The following TSPAN13 variants were observed in gnomAD, a reference collection of about 807,000 sequenced individuals.
The protein encoded by TSPAN13 is tetraspanin 13, also known as tetraspanin-13.
TSPAN13 carries 18 observed loss-of-function variants against 26.9 expected under a neutral mutation model. That is an observed-to-expected ratio of 0.67 (90% CI 0.46 to 0.99). The LOEUF (loss-of-function observed/expected upper bound fraction) is 0.99, where lower values mean the gene tolerates loss of function less well. Ranked by LOEUF, TSPAN13 falls within the 50% of genes least tolerant of loss-of-function variation. The pLI is 0.00. For missense variants in TSPAN13, 201 were observed against 249.6 expected (o/e 0.81, Z 1.31); for synonymous variants, 116 against 98.4 (o/e 1.18, Z -1.06).
intron 5 of TSPAN13, among the ~76,000 whole-genome samples, chr7:16,781,752 A>G (rs897818181): frequency 1.3e-5 from 2 of 152,190 alleles, no homozygotes; most frequent in Admixed American, 6.5e-5. Flanking sequence ...AAAAATTCTG[A>G]CCAGAAGCTC....
At chr7:16,761,690 AT>A (rs35451307) in intron 1 of TSPAN13, among the ~76,000 whole-genome samples, 23,721 of 92,942 alleles carry the variant, frequency 0.26, 1,063 homozygotes, top group Middle Eastern at 0.33. Context: ...CAGCTAATTA[AT>A]TTTTTTTTTT....
intron 5 of TSPAN13, among the ~76,000 whole-genome samples, chr7:16,782,948 C>T (rs193116041): frequency 1.9e-3 from 294 of 152,294 alleles, no homozygotes; most frequent in Middle Eastern, 3.4e-3. Flanking sequence ...CCTTTTACAT[C>T]TTCAAAGCTA....
intron 1 of TSPAN13, among the ~76,000 whole-genome samples, chr7:16,754,514 C>A: frequency 6.6e-6 from 1 of 152,166 alleles, no homozygotes; most frequent in East Asian, 1.9e-4. Flanking sequence ...CTCTTGGTAC[C>A]CTCGGGATTT....
chr7:16,782,883 G>A (rs75135458), intron 5 of TSPAN13, among the ~76,000 whole-genome samples: 5,313 of 152,154 alleles, frequency 0.035, 127 homozygotes, highest in Middle Eastern at 0.092. Context: ...TTACAGTTTT[G>A]GAGATCAAAA....
At chr7:16,769,664 A>AT (rs1002868450) in intron 1 of TSPAN13, among the ~76,000 whole-genome samples, 8 of 151,012 alleles carry the variant, frequency 5.3e-5, no homozygotes, top group African/African-American at 1.2e-4. Context: ...ACCAATTTTA[A>AT]TTTTTTTTTG....
chr7:16,757,563 CAT>C (rs1784493782), intron 1 of TSPAN13, among the ~76,000 whole-genome samples: 1 of 152,024 alleles, frequency 6.6e-6, no homozygotes, highest in Non-Finnish European at 1.5e-5. Flanking sequence ...TATGACCAAA[CAT>C]ATATTTACTG....
At chr7:16,768,682 G>T (rs547753952) in intron 1 of TSPAN13, among the ~76,000 whole-genome samples, 58 of 152,226 alleles carry the variant, frequency 3.8e-4, no homozygotes, top group African/African-American at 1.4e-3. Context: ...AGAGTTTATG[G>T]TTTGAGGTAG....
chr7:16,761,395 C>G (rs899087850), intron 1 of TSPAN13, among the ~76,000 whole-genome samples: 2 of 152,204 alleles, frequency 1.3e-5, no homozygotes, highest in Non-Finnish European at 2.9e-5. Flanking sequence ...GAAACATGTG[C>G]TTGATCTTTT....
At chr7:16,759,242 T>C (rs184308615) in intron 1 of TSPAN13, among the ~76,000 whole-genome samples, 1 of 152,232 alleles carries the variant, frequency 6.6e-6, no homozygotes, top group Admixed American at 6.5e-5. Flanking sequence ...TACCTGAGAC[T>C]GGATAAAGAA....
chr7:16,783,482 A>G lies in TSPAN13; in HGVS notation c.606A>G (p.Ala202=), dbSNP rs1370300739. 1 of 1,613,516 alleles carries G rather than the reference A, an allele frequency of 6.2e-7. No homozygotes were observed. Among genetic ancestry groups the G allele is most frequent in the East Asian group, 2.2e-5 (1 of 44,880 alleles). ...NQKDPRANPS[A]FL is the part of the protein sequence containing the mutation. The stretch of plus-strand genomic sequence containing the variant: ...AAGACCCCCGCGCGAATCCTAGTGC[A>G]TTCCTTTGATGAGAAAACAAGGAAG... Residue 202 remains alanine, a synonymous_variant, in exon 6 of 6, where the codon GCA becomes GCG. Transcript: ENST00000262067.
intron 1 of TSPAN13, among the ~76,000 whole-genome samples, chr7:16,756,774 A>G (rs1268242394): frequency 2.0e-5 from 3 of 152,202 alleles, no homozygotes; most frequent in Non-Finnish European, 2.9e-5. Context: ...ACAGTATTCT[A>G]AGAGAATGAC....
At chr7:16,769,763 C>G in intron 1 of TSPAN13, among the ~76,000 whole-genome samples, 1 of 152,140 alleles carries the variant, frequency 6.6e-6, no homozygotes, top group East Asian at 1.9e-4. Flanking sequence ...TTTGTATTTA[C>G]ACTTAGTTGT....
intron 1 of TSPAN13, among the ~76,000 whole-genome samples, chr7:16,774,423 C>T (rs1784716355): frequency 6.6e-6 from 1 of 152,210 alleles, no homozygotes; most frequent in African/African-American, 2.4e-5. Flanking sequence ...TCCTGCCACG[C>T]ATCATCCAGC....
At position 16,753,798 on chromosome 7, in the gene TSPAN13, CCGCCGCCGCG is replaced by C. The variant is rs908746605; in HGVS notation, c.-166_-157del. On this transcript the variant is annotated 5_prime_UTR_variant, in exon 1 of 6. Coordinates refer to ENST00000262067, the MANE Select transcript of TSPAN13 (RefSeq NM_014399.4). ...CCGCAGGTTCCAAAGCGGGTCCGAGCCGCCGCCGCGCGCGCGCCGCGCACTGCAGCCCCAG... is the reference window on the plus strand; with the variant it reads ...CCGCAGGTTCCAAAGCGGGTCCGAGCCGCGCGCCGCGCACTGCAGCCCCAG... The C allele has an allele frequency of 4.4e-6, 1 of 225,904 alleles. No homozygotes were observed. The highest frequency in any genetic ancestry group is 6.4e-5 in the African/African-American group (1 of 15,722). The allele number at this position is 225,904 out of a possible 1,614,324, so 14.0% of individuals were successfully genotyped here.
At chr7:16,770,197 TA>T (rs561756248) in intron 1 of TSPAN13, among the ~76,000 whole-genome samples, 2,242 of 151,128 alleles carry the variant, frequency 0.015, 57 homozygotes, top group African/African-American at 0.052. Context: ...TTTTTTATTT[TA>T]TTATTTTATT....
At chr7:16,759,956 G>A (rs1389877830) in intron 1 of TSPAN13, among the ~76,000 whole-genome samples, 1 of 152,130 alleles carries the variant, frequency 6.6e-6, no homozygotes, top group East Asian at 1.9e-4. Context: ...CAAATTGCTT[G>A]GATTACAGGT....
In TSPAN13 at chr7:16,777,851, C is replaced by T; in HGVS notation, c.366C>T (p.Ile122=). The part of the protein sequence containing the change: ...WNNTASARND[I]QRNLNCCGFR... ...ATACGGCAAGTGCTCGAAATGACAT[C>T]CAGAGAAATCTAAACTGCTGTGGGT... The change falls in exon 4 of 6, where the codon ATC becomes ATT. Residue 122 remains isoleucine, a synonymous_variant. Coordinates refer to ENST00000262067, the MANE Select transcript of TSPAN13 (RefSeq NM_014399.4). 2 of 1,613,850 alleles carry T rather than the reference C, an allele frequency of 1.2e-6. No individual in the cohort carries two copies. Among genetic ancestry groups the T allele is most frequent in the South Asian group, 1.1e-5 (1 of 91,064 alleles).
Position 16,777,795 on chromosome 7 carries a change from T to G in TSPAN13, c.313-3T>G. 6.2e-7 allele frequency: 1 copy of G among 1,612,266 alleles called. No individual in the cohort carries two copies. Among genetic ancestry groups the G allele is most frequent in the Non-Finnish European group, 8.5e-7 (1 of 1,178,746 alleles). ...CATTTTATATATTAAACACATTTAC[T>G]AGGGTCAGCTTCTGGAGGTTGGTTG... On this transcript the variant is annotated splice_polypyrimidine_tract_variant and splice_region_variant and intron_variant, in intron 3 of 5. Coordinates refer to ENST00000262067, the MANE Select transcript of TSPAN13 (RefSeq NM_014399.4).
chr7:16,783,380 T>C (rs754983073), intron 5 of TSPAN13, 37 bp from the exon 6 acceptor site: 13 of 1,581,946 alleles, frequency 8.2e-6, no homozygotes, highest in Middle Eastern at 1.7e-4. Flanking sequence ...AATGTTACTT[T>C]CTTTTTCTTT....
Sources: allele counts gnomAD v4.1 joint callset (sites outside exome capture counted in the v4.1 genomes callset), GRCh38; gene constraint gnomAD v4.1.1; transcripts MANE v1.5; gene names NCBI Gene and HGNC (gene_info 2026-07-23, HGNC 2026-07-21).